SMARCD3: variants seen among roughly 807,000 people sequenced by gnomAD.
SMARCD3 encodes SWI/SNF-related matrix-associated actin-dependent regulator of chromatin subfamily D member 3.
A neutral mutation model predicts 58.0 loss-of-function variants in SMARCD3; 14 were observed. The ratio of observed to expected loss-of-function variants is 0.24; its 90% CI spans 0.16 to 0.38. SMARCD3 has a LOEUF of 0.38. Ranked by LOEUF, SMARCD3 falls within the 10% of genes least tolerant of loss-of-function variation. SMARCD3 has a pLI of 1.00. For missense variants in SMARCD3, 408 were observed against 636.9 expected (o/e 0.64, Z 3.87); for synonymous variants, 253 against 253.8 (o/e 1.00, Z 0.03).
chr7:151,261,105 G>A (rs993956685), intron 2 of SMARCD3, among the ~76,000 whole-genome samples: 3 of 152,174 alleles, frequency 2.0e-5, no homozygotes, highest in Non-Finnish European at 4.4e-5. Flanking sequence ...AACTAAGGCT[G>A]GCTGTGCTCT....
chr7:151,241,373 AC>A lies in SMARCD3; in HGVS notation c.939+118del, dbSNP rs1295435413. On this transcript the variant is annotated intron_variant, in intron 8 of 12. Transcript: ENST00000262188. This position sits in a 1 kb window ranked among gnomAD's most constrained non-coding sequence, Gnocchi z 5.3. ...CTTGGCTCCAAGACCATGACTGTGT[AC>A]TGCTTCTGCTACTCAGGAATCTAGA... The A allele has an allele frequency of 3.5e-6, 3 of 862,714 alleles. No homozygotes were observed. The highest frequency in any genetic ancestry group is 5.7e-6 in the Non-Finnish European group (3 of 525,214). The allele number at this position is 862,714 out of a possible 1,614,324, so 53.4% of individuals were successfully genotyped here. A position where few individuals can be genotyped will look rare whatever the true frequency, so the allele number is the denominator to read the frequency against.
chr7:151,272,429 A>G (rs1407391736), intron 2 of SMARCD3, among the ~76,000 whole-genome samples: 5 of 152,124 alleles, frequency 3.3e-5, no homozygotes, highest in Non-Finnish European at 2.9e-5. Flanking sequence ...GAGGCGGAGC[A>G]TAAGAACACC....
At chr7:151,271,443 GT>G (rs1194905433) in intron 2 of SMARCD3, among the ~76,000 whole-genome samples, 1 of 151,982 alleles carries the variant, frequency 6.6e-6, no homozygotes, top group Non-Finnish European at 1.5e-5. Flanking sequence ...GCCTGTGCCT[GT>G]TTTTCCATGG....
At chr7:151,250,167 G>A (rs1048177432), upstream of SMARCD3, among the ~76,000 whole-genome samples, 2 of 152,058 alleles carry the variant, frequency 1.3e-5, no homozygotes, top group Non-Finnish European at 2.9e-5. Context: ...TGCTGGCCCT[G>A]GTTGTGCTCT....
upstream of SMARCD3, chr7:151,248,789 C>T: frequency 2.9e-6 from 2 of 693,052 alleles, no homozygotes; most frequent in Non-Finnish European, 3.7e-6. The surrounding 1 kb of genome is among the most constrained non-coding windows in gnomAD (Gnocchi z 6.1). Flanking sequence ...CTGCCGCATT[C>T]CTGCACTGAT....
chr7:151,272,411 T>C lies in SMARCD3; in HGVS notation c.39+2703A>G, dbSNP rs6947255. On this transcript the variant is annotated intron_variant, in intron 2 of 13. Coordinates refer to the SMARCD3 transcript ENST00000356800. ...TCTTTGCAAACTACCTGAAACCCTT[T>C]TCAGGATGAGGCGGAGCATAAGAAC... Among the ~76,000 whole-genome samples, 694 of 152,262 alleles carry C rather than the reference T, an allele frequency of 4.6e-3. 3 individuals are homozygous for C. The highest frequency in any genetic ancestry group is 0.016 in the African/African-American group (657 of 41,546).
Position 151,243,212 on chromosome 7 carries a change from C to G in SMARCD3, c.334-369G>C, listed in dbSNP as rs1803086017. The stretch of plus-strand genomic sequence containing the variant: ...CCCTGCAAAGTGCCTAGTAGGGGCT[C>G]AATCCCTGAGACAGTTGGACAGCGG... On this transcript the variant is annotated intron_variant, in intron 3 of 12. Transcript: ENST00000262188. This position sits in a 1 kb window ranked among gnomAD's most constrained non-coding sequence, Gnocchi z 4.4. 6.6e-6 allele frequency among the ~76,000 whole-genome samples: 1 copy of G among 152,196 alleles called. No homozygotes were observed. Among genetic ancestry groups the G allele is most frequent in the Non-Finnish European group, 1.5e-5 (1 of 68,036 alleles).
chr7:151,269,891 C>T (rs186992002), intron 2 of SMARCD3, among the ~76,000 whole-genome samples: 24 of 152,310 alleles, frequency 1.6e-4, no homozygotes, highest in African/African-American at 5.3e-4. Flanking sequence ...CTGAGTACCC[C>T]TTCCCCATCT....
chr7:151,244,782 T>A (rs963356169), intron 2 of SMARCD3, among the ~76,000 whole-genome samples: 65 of 152,330 alleles, frequency 4.3e-4, no homozygotes, highest in African/African-American at 1.5e-3. Flanking sequence ...AAAAAAAGCA[T>A]GTGTATTTGG....
Position 151,243,591 on chromosome 7 carries a change from G to A in SMARCD3, c.333+68C>T, listed in dbSNP as rs530212016. ...TGTGATGCTGAAGCTCTGCTTCTGAGGGGGGAGGGGAGGGCGGAGCAGCAA... is the reference window on the plus strand; with the variant it reads ...TGTGATGCTGAAGCTCTGCTTCTGAAGGGGGAGGGGAGGGCGGAGCAGCAA... On this transcript the variant is annotated intron_variant, in intron 3 of 12. Transcript: ENST00000262188. The surrounding 1 kb of genome is among the most constrained non-coding windows in gnomAD (Gnocchi z 4.4). 6 of 859,506 alleles carry A rather than the reference G, an allele frequency of 7.0e-6. No homozygotes were observed. The highest frequency in any genetic ancestry group is 3.3e-5 in the African/African-American group (2 of 60,688). 53.2% of individuals were successfully genotyped at this position (859,506 alleles called of 1,614,324 possible).
At chr7:151,257,347 G>T (rs988680849) in intron 2 of SMARCD3, among the ~76,000 whole-genome samples, 1 of 152,152 alleles carries the variant, frequency 6.6e-6, no homozygotes, top group Admixed American at 6.5e-5. Flanking sequence ...AATGCTCCTG[G>T]CAGGGCCACC....
intron 2 of SMARCD3, among the ~76,000 whole-genome samples, chr7:151,258,458 G>A (rs1206394609): frequency 6.6e-6 from 1 of 151,714 alleles, no homozygotes; most frequent in African/African-American, 2.4e-5. Context: ...CCAGCTACTT[G>A]GGAGGCTGAG....
In SMARCD3 at chr7:151,256,081, G is replaced by A. The variant is rs1044914334; in HGVS notation, c.40-10410C>T. Among the ~76,000 whole-genome samples the A allele has an allele frequency of 7.9e-5, 12 of 151,634 alleles. No homozygotes were observed. In the East Asian group the frequency reaches 1.2e-3, roughly 15 times the overall value. On this transcript the variant is annotated intron_variant, in intron 2 of 13. Coordinates refer to the SMARCD3 transcript ENST00000356800. ...ATTTTAGTAGAGACGGGGTTTCACC[G>A]TGTTGCCCAGGCTGGTCTCAAACTT...
Position 151,245,026 on chromosome 7 carries a change from G to T in SMARCD3, c.290+434C>A, listed in dbSNP as rs546760453. On this transcript the variant is annotated intron_variant, in intron 2 of 12. Transcript: ENST00000262188. The surrounding 1 kb of genome is among the most constrained non-coding windows in gnomAD (Gnocchi z 6.2). ...CAGAGAGTCCCATTGAGAAAATCTG[G>T]AGTGGCTTTGAAACAGCCCGGGGGC... Among the ~76,000 whole-genome samples, 1 of 152,320 alleles carries T rather than the reference G, an allele frequency of 6.6e-6. No homozygotes were observed. Among genetic ancestry groups the T allele is most frequent in the East Asian group, 1.9e-4 (1 of 5,186 alleles).
rs757191231 is a variant in SMARCD3 at position 151,242,771 on chromosome 7, T to C, written c.406A>G (p.Ile136Val). The change falls in exon 4 of 13, where the codon ATC becomes GTC. Residue 136 changes from isoleucine to valine, a missense_variant. Coordinates refer to ENST00000262188, the MANE Select transcript of SMARCD3 (RefSeq NM_001003801.2). This position sits in a 1 kb window ranked among gnomAD's most constrained non-coding sequence, Gnocchi z 4.7. ...TGGATGTCCACCCGCTTCCGCATGATGGTTTGATCCAGTTTCCTCTCAAAT... is the reference window on the plus strand; with the variant it reads ...TGGATGTCCACCCGCTTCCGCATGACGGTTTGATCCAGTTTCCTCTCAAAT... ...LAFERKLDQT[I>V]MRKRVDIQEA... The C allele has an allele frequency of 6.2e-7, 1 of 1,614,124 alleles. No homozygotes were observed. Among genetic ancestry groups the C allele is most frequent in the South Asian group, 1.1e-5 (1 of 91,078 alleles).
At chr7:151,251,329 G>C (rs1217946060), upstream of SMARCD3, among the ~76,000 whole-genome samples, 1 of 152,124 alleles carries the variant, frequency 6.6e-6, no homozygotes, top group Non-Finnish European at 1.5e-5. Context: ...CACACACACA[G>C]CAGGCACACC....
chr7:151,264,274 G>A (rs1197955584), intron 2 of SMARCD3, among the ~76,000 whole-genome samples: 1 of 152,022 alleles, frequency 6.6e-6, no homozygotes, highest in Non-Finnish European at 1.5e-5. Flanking sequence ...GGCCAGGCTG[G>A]TCTCAAACTC....
At chr7:151,272,115 G>C (rs1795192034) in intron 2 of SMARCD3, among the ~76,000 whole-genome samples, 1 of 152,186 alleles carries the variant, frequency 6.6e-6, no homozygotes. Context: ...TTGTGACATT[G>C]TTGAGAACAT....
chr7:151,269,831 T>C (rs1795116127), intron 2 of SMARCD3, among the ~76,000 whole-genome samples: 2 of 152,186 alleles, frequency 1.3e-5, no homozygotes, highest in Admixed American at 1.3e-4. Flanking sequence ...TGCTTCTTTA[T>C]AGAAGGGCAT....
Sources: gnomAD v4.1 joint callset for allele counts (sites outside exome capture counted in the v4.1 genomes callset) on GRCh38, gnomAD v4.1.1 for gene constraint, Gnocchi (gnomAD v3.1) non-coding constraint, MANE v1.5 for transcripts, NCBI Gene and HGNC (gene_info 2026-07-23, HGNC 2026-07-21) for gene names.